Variants in PLAGL1 observed in about 807,000 individuals in gnomAD.
PLAGL1 encodes zinc finger protein PLAGL1.
A neutral mutation model predicts 4.6 loss-of-function variants in PLAGL1; 1 was observed. The ratio of observed to expected loss-of-function variants is 0.22; its 90% CI spans 0.08 to 1.03. PLAGL1 has a LOEUF of 1.03. Ranked by LOEUF, PLAGL1 falls within the 50% of genes least tolerant of loss-of-function variation. The pLI, the probability that PLAGL1 is intolerant of heterozygous loss-of-function variation, is 0.58. For missense variants in PLAGL1, 464 were observed against 570.4 expected (o/e 0.81, Z 1.90); for synonymous variants, 240 against 237.8 (o/e 1.01, Z -0.08).
At chr6:144,054,861 A>T (rs1798855750) in intron 1 of PLAGL1, among the ~76,000 whole-genome samples, 1 of 151,236 alleles carries the variant, frequency 6.6e-6, no homozygotes, top group Non-Finnish European at 1.5e-5. Context: ...TCCTTACAAA[A>T]GTATTTCTAG....
In PLAGL1 at chr6:143,982,658, G is replaced by T. The variant is rs1441494581; in HGVS notation, c.-544+2477C>A. Among the ~76,000 whole-genome samples, 1 of 152,216 alleles carries T rather than the reference G, an allele frequency of 6.6e-6. No homozygotes were observed. Among genetic ancestry groups the T allele is most frequent in the Admixed American group, 6.5e-5 (1 of 15,286 alleles). On this transcript the variant is annotated intron_variant, in intron 2 of 7. Coordinates refer to ENST00000674357, the MANE Select transcript of PLAGL1 (RefSeq NM_001317162.2). The surrounding 1 kb of genome is among the most constrained non-coding windows in gnomAD (Gnocchi z 5.3). ...AGTGCAGTAGCAGAAGAGCTGGGGA[G>T]AAGTGGTCACCTTCTGGATTTATGG...
Position 143,948,089 on chromosome 6 carries a change from C to G in PLAGL1, c.48G>C (p.Leu16=), listed in dbSNP as rs147962624. ...CQLCGKTFLT[L]EKFTIHNYSH... is the part of the protein sequence containing the mutation. Reference sequence around the variant, plus strand: ...AATAATTGTGAATCGTGAACTTCTCCAGGGTGAGGAACGTCTTGCCACATA... The same window carrying G: ...AATAATTGTGAATCGTGAACTTCTCGAGGGTGAGGAACGTCTTGCCACATA... Residue 16 remains leucine (L), a synonymous_variant, in exon 7 of 8, where the codon CTG becomes CTC. Transcript: ENST00000674357. The surrounding 1 kb of genome is among the most constrained non-coding windows in gnomAD (Gnocchi z 6.0). 4 of 1,613,918 alleles carry G rather than the reference C, an allele frequency of 2.5e-6. No homozygotes were observed. The African/African-American group carries it at 5.3e-5, about 22-fold the overall frequency.
intron 1 of PLAGL1, among the ~76,000 whole-genome samples, chr6:144,062,961 C>A (rs940277625): frequency 6.6e-6 from 1 of 152,154 alleles, no homozygotes. Flanking sequence ...GAAGAGGAAG[C>A]AGAAATGGTG....
chr6:144,045,646 G>A (rs1038577169), intron 1 of PLAGL1, among the ~76,000 whole-genome samples: 2 of 152,134 alleles, frequency 1.3e-5, no homozygotes, highest in Non-Finnish European at 2.9e-5. Context: ...CAACCTTGAT[G>A]AATCTGACAG....
chr6:144,042,686 A>C (rs1307005176), intron 1 of PLAGL1, among the ~76,000 whole-genome samples: 2 of 152,182 alleles, frequency 1.3e-5, no homozygotes, highest in African/African-American at 4.8e-5. Context: ...TGAACTTTAA[A>C]GTGGTTTTTT....
At position 143,995,709 on chromosome 6, in the gene PLAGL1, TC is replaced by T. The variant is rs1791463302; in HGVS notation, c.-583-10536del. On this transcript the variant is annotated intron_variant, in intron 1 of 7. Coordinates refer to ENST00000674357, the MANE Select transcript of PLAGL1 (RefSeq NM_001317162.2). The surrounding 1 kb of genome is among the most constrained non-coding windows in gnomAD (Gnocchi z 4.4). Reference sequence around the variant, plus strand: ...ATCTGAAATATAAGGATTTTTTTTTTCCTGAAGACTAAAGGAAGAAAGATCA... The same window carrying T: ...ATCTGAAATATAAGGATTTTTTTTTTCTGAAGACTAAAGGAAGAAAGATCA... Among the ~76,000 whole-genome samples, 1 of 152,122 alleles carries T rather than the reference TC, an allele frequency of 6.6e-6. No homozygotes were observed. Among genetic ancestry groups the T allele is most frequent in the Admixed American group, 6.5e-5 (1 of 15,276 alleles).
In PLAGL1 at chr6:143,942,217, G is replaced by C. The variant is rs980898230; in HGVS notation, c.599C>G (p.Thr200Ser). Residue 200 changes from threonine (T) to serine (S), a missense_variant, in exon 8 of 8, where the codon ACC becomes AGC. Physicochemically the swap from Thr to Ser is moderately conservative, Grantham distance 58. Coordinates refer to ENST00000674357, the MANE Select transcript of PLAGL1 (RefSeq NM_001317162.2). The surrounding 1 kb of genome is among the most constrained non-coding windows in gnomAD (Gnocchi z 7.6). ...TGAGTGGGTCTTCTTGGTATGCCGG[G>C]TGAGGTGATCCTTGCGCCCAAATCT... Reference protein sequence around the residue: ...AQRFGRKDHLTRHTKKTHSQE... With the variant: ...AQRFGRKDHLSRHTKKTHSQE... The C allele has an allele frequency of 2.5e-6, 4 of 1,614,144 alleles. No individual in the cohort carries two copies. The highest frequency in any genetic ancestry group is 1.7e-6 in the Non-Finnish European group (2 of 1,180,000).
Position 144,004,494 on chromosome 6 carries a change from T to C in PLAGL1, c.-584+3596A>G, listed in dbSNP as rs1275220461. On this transcript the variant is annotated intron_variant, in intron 1 of 7. Transcript: ENST00000674357. This position sits in a 1 kb window ranked among gnomAD's most constrained non-coding sequence, Gnocchi z 4.2. ...GATGAATACAATGTGAACAAAAGAA[T>C]AAACTGTATGACTCCGTTTATATGA... Among the ~76,000 whole-genome samples, 2 of 152,232 alleles carry C rather than the reference T, an allele frequency of 1.3e-5. No individual in the cohort carries two copies. The highest frequency in any genetic ancestry group is 2.9e-5 in the Non-Finnish European group (2 of 68,036).
At chr6:144,012,312 A>G (rs189617967), upstream of PLAGL1, among the ~76,000 whole-genome samples, 139 of 152,168 alleles carry the variant, frequency 9.1e-4, no homozygotes, top group Non-Finnish European at 1.6e-3. The surrounding 1 kb of genome is among the most constrained non-coding windows in gnomAD (Gnocchi z 4.8). Context: ...TCCCGGGTTC[A>G]AGCAATTCTC....
Position 143,983,488 on chromosome 6 carries a change from A to G in PLAGL1, c.-544+1647T>C, listed in dbSNP as rs1788385691. The stretch of plus-strand genomic sequence containing the variant: ...CCTTGAGCAGGTGAGAGGAGATGGG[A>G]CTAAGAATATAAGTACAAGGGTAAG... On this transcript the variant is annotated intron_variant, in intron 2 of 7. Coordinates refer to ENST00000674357, the MANE Select transcript of PLAGL1 (RefSeq NM_001317162.2). The surrounding 1 kb of genome is among the most constrained non-coding windows in gnomAD (Gnocchi z 6.6). 6.6e-6 allele frequency among the ~76,000 whole-genome samples: 1 copy of G among 152,194 alleles called. No homozygotes were observed. Among genetic ancestry groups the G allele is most frequent in the South Asian group, 2.1e-4 (1 of 4,836 alleles).
At chr6:143,974,175 T>C (rs995854602) in intron 2 of PLAGL1, among the ~76,000 whole-genome samples, 3 of 152,210 alleles carry the variant, frequency 2.0e-5, no homozygotes, top group Non-Finnish European at 4.4e-5. Context: ...ATTTCACACC[T>C]TCATGGAACC....
intron 1 of PLAGL1, among the ~76,000 whole-genome samples, chr6:144,031,997 C>T (rs572528919): frequency 1.3e-5 from 2 of 152,240 alleles, no homozygotes; most frequent in African/African-American, 4.8e-5. Context: ...GGATGTGTTT[C>T]CATTTCTTTG....
rs898087013 is a variant in PLAGL1, at chr6:144,016,529, C to T, written c.-150-47551G>A. The stretch of plus-strand genomic sequence containing the variant: ...AGTATTAACCATCATAATATGTAAA[C>T]GACACATGGTCCCATTCATAGGAAA... On this transcript the variant is annotated intron_variant, in intron 1 of 3. Transcript: ENST00000437412. This position sits in a 1 kb window ranked among gnomAD's most constrained non-coding sequence, Gnocchi z 4.2. Among the ~76,000 whole-genome samples the T allele has an allele frequency of 5.3e-5, 8 of 152,240 alleles. No homozygotes were observed. The highest frequency in any genetic ancestry group is 2.1e-4 in the South Asian group (1 of 4,826).
In PLAGL1 at chr6:143,952,196, T is replaced by A. The variant is rs1414366137; in HGVS notation, c.-324-3736A>T. 6.6e-6 allele frequency among the ~76,000 whole-genome samples: 1 copy of A among 152,178 alleles called. No homozygotes were observed. The highest frequency in any genetic ancestry group is 1.9e-4 in the East Asian group (1 of 5,198). On this transcript the variant is annotated intron_variant, in intron 6 of 7. Coordinates refer to ENST00000674357, the MANE Select transcript of PLAGL1 (RefSeq NM_001317162.2). The surrounding 1 kb of genome is among the most constrained non-coding windows in gnomAD (Gnocchi z 6.1). ...AGTTCAAAGGCTGTTTACTGATGAG[T>A]CCAATCTTTGGTTGAAACCCAATGC...
At chr6:143,980,930 TATAA>T (rs1249540170) in intron 2 of PLAGL1, among the ~76,000 whole-genome samples, 2 of 152,256 alleles carry the variant, frequency 1.3e-5, no homozygotes, top group Admixed American at 6.5e-5. Context: ...TGCCTATTTC[TATAA>T]ATAAAATTTT....
At position 143,941,406 on chromosome 6, in the gene PLAGL1, A is replaced by T. The variant is rs776147456; in HGVS notation, c.*18T>A. Reference sequence around the variant, plus strand: ...TAAAACATCTTCCAGAATACGAAAAATACACTTTAAAAATCAATTATCTGA... The same window carrying T: ...TAAAACATCTTCCAGAATACGAAAATTACACTTTAAAAATCAATTATCTGA... On this transcript the variant is annotated 3_prime_UTR_variant, in exon 8 of 8. Transcript: ENST00000674357. The surrounding 1 kb of genome is among the most constrained non-coding windows in gnomAD (Gnocchi z 6.0). 1.3e-6 allele frequency: 2 copies of T among 1,489,112 alleles called. No individual in the cohort carries two copies. Among genetic ancestry groups the T allele is most frequent in the Admixed American group, 4.7e-5 (2 of 42,322 alleles). The allele number at this position is 1,489,112 out of a possible 1,614,324, so 92.2% of individuals were successfully genotyped here. A position where few individuals can be genotyped will look rare whatever the true frequency, so the allele number is the denominator to read the frequency against.
chr6:144,027,232 A>AAAGAAAGAAAGAAAGAAAGG lies in PLAGL1; in HGVS notation c.-151+37235_-151+37236insCCTTTCTTTCTTTCTTTCTT, dbSNP rs1796408612. On this transcript the variant is annotated intron_variant, in intron 1 of 3. Transcript: ENST00000437412. This position sits in a 1 kb window ranked among gnomAD's most constrained non-coding sequence, Gnocchi z 5.8. ...GAGAAAGACCCCAACTCAAAGAACG[A>AAAGAAAGAAAGAAAGAAAGG]ACGAAAGAAAGAAAGAAAGAAAGAA... is the stretch of plus-strand genomic sequence containing the variant. Among the ~76,000 whole-genome samples the AAAGAAAGAAAGAAAGAAAGG allele has an allele frequency of 2.4e-5, 3 of 123,662 alleles. No homozygotes were observed. The highest frequency in any genetic ancestry group is 9.2e-5 in the African/African-American group (3 of 32,660). 81.1% of individuals were successfully genotyped at this position (123,662 alleles called of 152,430 possible).
In PLAGL1 at chr6:144,053,478, T is replaced by C. The variant is rs955120088; in HGVS notation, c.-151+10990A>G. Among the ~76,000 whole-genome samples, 2 of 152,146 alleles carry C rather than the reference T, an allele frequency of 1.3e-5. No homozygotes were observed. Among genetic ancestry groups the C allele is most frequent in the Non-Finnish European group, 2.9e-5 (2 of 68,022 alleles). On this transcript the variant is annotated intron_variant, in intron 1 of 3. Coordinates refer to the PLAGL1 transcript ENST00000437412. The surrounding 1 kb of genome is among the most constrained non-coding windows in gnomAD (Gnocchi z 4.0). ...GAGTAGTTCATTCAAGTATAACATCTTGCTACCACCTATGAGGGATACAAA... is the reference window on the plus strand; with the variant it reads ...GAGTAGTTCATTCAAGTATAACATCCTGCTACCACCTATGAGGGATACAAA...
Position 144,063,633 on chromosome 6 carries a change from A to G in PLAGL1, c.-151+835T>C, listed in dbSNP as rs1799604681. Among the ~76,000 whole-genome samples, 1 of 152,144 alleles carries G rather than the reference A, an allele frequency of 6.6e-6. No homozygotes were observed. The highest frequency in any genetic ancestry group is 2.1e-4 in the South Asian group (1 of 4,830). ...GCCACGACCCTTGAATAACTGCCAT[A>G]GTTGTCACTTCACTTGGCTTTTTCA... On this transcript the variant is annotated intron_variant, in intron 1 of 3. Coordinates refer to the PLAGL1 transcript ENST00000437412. The surrounding 1 kb of genome is among the most constrained non-coding windows in gnomAD (Gnocchi z 5.7).
Sources: allele counts gnomAD v4.1 joint callset (sites outside exome capture counted in the v4.1 genomes callset), GRCh38; gene constraint gnomAD v4.1.1; non-coding constraint Gnocchi (gnomAD v3.1); transcripts MANE v1.5; gene names NCBI Gene and HGNC (gene_info 2026-07-23, HGNC 2026-07-21).